The following DST variants were observed in gnomAD, a reference collection of about 807,000 sequenced individuals.
DST encodes bullous pemphigoid antigen.
A neutral mutation model predicts 875.2 loss-of-function variants in DST; 253 were observed. The ratio of observed to expected loss-of-function variants is 0.29; its 90% confidence interval spans 0.26 to 0.32. The LOEUF (loss-of-function observed/expected upper bound fraction) is 0.32. Ranked by LOEUF, DST falls within the 10% of genes least tolerant of loss-of-function variation. The pLI, the probability that DST is intolerant of heterozygous loss-of-function variation, is 1.00. For missense variants in DST, 8,287 were observed against 9,111.6 expected, an observed-to-expected ratio of 0.91 and a Z score of 3.68; for synonymous variants, 3,124 against 3,197.1, an observed-to-expected ratio of 0.98 and a Z score of 0.77.
In DST at chr6:56,618,090, T is replaced by C. The variant is rs2098646532; in HGVS notation, c.4930-3606A>G. The C allele has an allele frequency of 1.9e-6, 3 of 1,614,192 alleles. No individual in the cohort carries two copies. The highest frequency in any genetic ancestry group is 2.2e-5 in the South Asian group (2 of 91,072). On this transcript the variant is annotated intron_variant, in intron 36 of 103. Coordinates refer to ENST00000680361, the MANE Select transcript of DST (RefSeq NM_001374736.1). ...AGGGCTTGGTCTCTTATCTTCTCAA[T>C]TTCAGACAGTCTTGTAATGGGGTTT...
Position 56,704,342 on chromosome 6 carries a change from C to T in DST, c.715G>A (p.Glu239Lys). The T allele has an allele frequency of 1.3e-6, 2 of 1,573,762 alleles. No individual in the cohort carries two copies. The highest frequency in any genetic ancestry group is 1.7e-6 in the Non-Finnish European group (2 of 1,158,096). ...KVRKHVNDLYEDLRDGHNLIS... is the reference protein window; with the variant it reads ...KVRKHVNDLYKDLRDGHNLIS... Reference sequence around the variant, plus strand: ...AAATTGTGTCCATCCCTTAAGTCTTCATAGAGATCATTCACATGTTTTCGA... The same window carrying T: ...AAATTGTGTCCATCCCTTAAGTCTTTATAGAGATCATTCACATGTTTTCGA... Residue 239 changes from glutamate (E) to lysine (K), a missense_variant, in exon 6 of 104, where the codon GAA becomes AAA. Physicochemically the swap from Glu to Lys is moderately conservative, Grantham distance 56 (BLOSUM62 1). This residue lies in a region of DST where 1,160 missense variants were observed against 1,424.3 expected (regional missense o/e 0.81). Transcript: ENST00000680361.
chr6:56,799,471 C>G, intron 4 of DST, among the ~76,000 whole-genome samples: 1 of 151,824 alleles, frequency 6.6e-6, no homozygotes, highest in East Asian at 1.9e-4. Context: ...CTACTCAAAT[C>G]TTCAGGAACC....
At chr6:56,638,521 T>C (rs2098846847) in intron 22 of DST, among the ~76,000 whole-genome samples, 1 of 152,172 alleles carries the variant, frequency 6.6e-6, no homozygotes, top group Non-Finnish European at 1.5e-5. Context: ...TCATTTTTTT[T>C]CCTCTGGCAA....
chr6:56,506,901 T>G (rs1393774794), intron 75 of DST, 112 bp from the exon 76 acceptor site: 1 of 1,121,882 alleles, frequency 8.9e-7, no homozygotes, highest in Non-Finnish European at 1.2e-6. Context: ...ATTCTAATCA[T>G]TTTTCTGTTT....
At chr6:56,860,765 A>C (rs1392876963) in intron 3 of DST, among the ~76,000 whole-genome samples, 2 of 152,228 alleles carry the variant, frequency 1.3e-5, no homozygotes. Flanking sequence ...GAAACAACAG[A>C]GACACAGAAA....
chr6:56,917,927 T>C (rs964653300), intron 2 of DST, among the ~76,000 whole-genome samples: 1 of 152,220 alleles, frequency 6.6e-6, no homozygotes, highest in Admixed American at 6.5e-5. Flanking sequence ...GCAACCCTTT[T>C]TTGAACCCTA....
At chr6:56,685,075 G>A (rs1448955481) in intron 9 of DST, among the ~76,000 whole-genome samples, 3 of 135,896 alleles carry the variant, frequency 2.2e-5, no homozygotes, top group African/African-American at 8.2e-5. Flanking sequence ...TCTCAATAAC[G>A]CTTTTGAAAT....
rs2095673548 is a variant in DST at position 56,489,724 on chromosome 6, C to T, written c.20758-115G>A. On this transcript the variant is annotated intron_variant, in intron 85 of 103. Transcript: ENST00000680361. ...ATGAAAATCCTGAAAATTATTATTT[C>T]AAAATTTCCACTGAAGAAGAAAAAA... is the stretch of plus-strand genomic sequence containing the variant. 10 of 1,025,512 alleles carry T rather than the reference C, an allele frequency of 9.8e-6. No homozygotes were observed. The East Asian group carries it at 2.4e-4, about 25-fold the overall frequency. 63.5% of individuals were successfully genotyped at this position (1,025,512 alleles called of 1,614,324 possible).
At chr6:56,911,021 C>T (rs1407549377) in intron 2 of DST, among the ~76,000 whole-genome samples, 4 of 152,162 alleles carry the variant, frequency 2.6e-5, no homozygotes, top group Admixed American at 1.3e-4. Context: ...AAACAAAAGG[C>T]TCCACCCACA....
At chr6:56,852,517 G>A (rs1765772046) in intron 3 of DST, among the ~76,000 whole-genome samples, 1 of 152,166 alleles carries the variant, frequency 6.6e-6, no homozygotes, top group Non-Finnish European at 1.5e-5. Flanking sequence ...GTAGGGTCAT[G>A]TCTTGCATAA....
At chr6:56,571,338 C>A (rs1407473896) in intron 53 of DST, among the ~76,000 whole-genome samples, 1 of 152,200 alleles carries the variant, frequency 6.6e-6, no homozygotes, top group Admixed American at 6.5e-5. Flanking sequence ...AAGAACATTT[C>A]TTCTACGCAA....
At chr6:56,908,874 T>C (rs1797660694) in intron 2 of DST, among the ~76,000 whole-genome samples, 2 of 152,222 alleles carry the variant, frequency 1.3e-5, no homozygotes. Flanking sequence ...GTCAGGTAGT[T>C]ACCCTATATG....
chr6:56,575,258 T>C (rs760189000), intron 50 of DST, among the ~76,000 whole-genome samples: 4 of 152,180 alleles, frequency 2.6e-5, no homozygotes, highest in Admixed American at 6.5e-5. Context: ...TGTTGGAGAC[T>C]ATGCTCATTA....
Position 56,843,806 on chromosome 6 carries a change from C to T in DST, c.625+7591G>A, listed in dbSNP as rs1020432356. ...GCGAGCGCGGCGGTCAGCGCCCCGG[C>T]TGGCTCAGCTCCGGCCCCGGCGCCT... On this transcript the variant is annotated intron_variant, in intron 4 of 103. Coordinates refer to ENST00000680361, the MANE Select transcript of DST (RefSeq NM_001374736.1). 3 of 566,672 alleles carry T rather than the reference C, an allele frequency of 5.3e-6. No individual in the cohort carries two copies. In the African/African-American group the frequency reaches 6.0e-5, roughly 11 times the overall value. 35.1% of individuals were successfully genotyped at this position (566,672 alleles called of 1,614,324 possible).
In DST at chr6:56,635,676, C is replaced by T. The variant is rs774095463; in HGVS notation, c.3099G>A (p.Arg1033=). The T allele has an allele frequency of 2.5e-6, 4 of 1,613,808 alleles. No homozygotes were observed. The African/African-American group carries it at 5.3e-5, about 22-fold the overall frequency. ...TCCGCTGAATGGCATCTTTTAGATT[C>T]CTTAAGTAATCAGTAGCTTCTTTGG... The part of the protein sequence containing the change: ...NDAKEATDYL[R]NLKDAIQRKY... Residue 1033 remains arginine, a synonymous_variant, in exon 24 of 104, where the codon AGG becomes AGA. Coordinates refer to ENST00000680361, the MANE Select transcript of DST (RefSeq NM_001374736.1).
intron 3 of DST, among the ~76,000 whole-genome samples, chr6:56,869,229 C>G (rs1023230693): frequency 1.3e-5 from 2 of 152,144 alleles, no homozygotes; most frequent in African/African-American, 4.8e-5. Flanking sequence ...GACTTCCTAA[C>G]AAACCTTCCT....
intron 4 of DST, among the ~76,000 whole-genome samples, chr6:56,740,186 G>C (rs989133374): frequency 3.9e-5 from 6 of 152,238 alleles, no homozygotes; most frequent in Middle Eastern, 6.8e-3. Context: ...TAATAAACTT[G>C]CTTTCACTTT....
intron 62 of DST, 140 bp from the exon 63 acceptor site, chr6:56,535,432 T>A: frequency 1.0e-6 from 1 of 996,622 alleles, no homozygotes; most frequent in Non-Finnish European, 1.4e-6. Flanking sequence ...TTACCCAAAG[T>A]ATCGATAGTA....
intron 86 of DST, among the ~76,000 whole-genome samples, chr6:56,489,042 A>T (rs1249823717): frequency 6.6e-6 from 1 of 152,208 alleles, no homozygotes; most frequent in Non-Finnish European, 1.5e-5. Flanking sequence ...ATTTAGGTAC[A>T]AGCATCCAAT....
Sources: allele counts gnomAD v4.1 joint callset (sites outside exome capture counted in the v4.1 genomes callset), GRCh38; gene constraint gnomAD v4.1.1; regional missense constraint gnomAD v4.1.1; transcripts MANE v1.5; gene names NCBI Gene and HGNC (gene_info 2026-07-23, HGNC 2026-07-21).